The following PRKCH variants were observed in gnomAD, a reference collection of about 807,000 sequenced individuals.
PRKCH encodes protein kinase C eta.
In PRKCH, 28 loss-of-function variants were observed where a neutral mutation model predicts 82.5. The ratio of observed to expected loss-of-function variants is 0.34; its 90% CI spans 0.25 to 0.47. The LOEUF (loss-of-function observed/expected upper bound fraction) is 0.47. Ranked by LOEUF, PRKCH falls within the 20% of genes least tolerant of loss-of-function variation. PRKCH has a pLI of 1.00. For synonymous variants in PRKCH, 322 were observed against 327.4 expected, an observed-to-expected ratio of 0.98 and a Z score of 0.18; for missense variants, 705 against 881.8, an observed-to-expected ratio of 0.80 and a Z score of 2.54.
intron 1 of PRKCH, among the ~76,000 whole-genome samples, chr14:61,211,291 G>C (rs1211829389): frequency 6.6e-6 from 1 of 152,230 alleles, no homozygotes; most frequent in Non-Finnish European, 1.5e-5. Context: ...CAGTGCCGCA[G>C]TGCATGGCAC....
intron 1 of PRKCH, among the ~76,000 whole-genome samples, chr14:61,325,018 G>T (rs568400062): frequency 6.6e-6 from 1 of 152,278 alleles, no homozygotes; most frequent in African/African-American, 2.4e-5. Context: ...TGGATGAGAG[G>T]ATTCAATATG....
intron 10 of PRKCH, among the ~76,000 whole-genome samples, chr14:61,522,456 G>A (rs72712372): frequency 0.08 from 12,121 of 152,046 alleles, 593 homozygotes; most frequent in Non-Finnish European, 0.11. Flanking sequence ...CTCTTCTCTC[G>A]CCACCCAGGA....
At chr14:61,531,670 T>C (rs1166791680) in intron 12 of PRKCH, among the ~76,000 whole-genome samples, 1 of 152,166 alleles carries the variant, frequency 6.6e-6, no homozygotes, top group African/African-American at 2.4e-5. Context: ...CCAAAGTGAA[T>C]CATAACACAT....
At chr14:61,504,329 C>T (rs1594769389) in intron 10 of PRKCH, among the ~76,000 whole-genome samples, 1 of 152,232 alleles carries the variant, frequency 6.6e-6, no homozygotes, top group East Asian at 1.9e-4. Context: ...GCTGGGATTA[C>T]AGGTGCTCAC....
At chr14:61,352,673 A>G (rs915713327) in intron 1 of PRKCH, among the ~76,000 whole-genome samples, 2 of 134,906 alleles carry the variant, frequency 1.5e-5, no homozygotes, top group Admixed American at 7.6e-5. Flanking sequence ...AGAGAGAGAG[A>G]GAGAGAGAAA....
chr14:61,511,150 A>G (rs544837255), intron 10 of PRKCH, among the ~76,000 whole-genome samples: 15 of 152,294 alleles, frequency 9.8e-5, no homozygotes, highest in Middle Eastern at 3.4e-3. Flanking sequence ...TGCTCATATT[A>G]TCCATCAGTT....
chr14:61,385,377 T>A (rs1335950399), intron 1 of PRKCH, among the ~76,000 whole-genome samples: 5 of 150,094 alleles, frequency 3.3e-5, no homozygotes, highest in African/African-American at 1.2e-4. Flanking sequence ...AAAAAAAAAA[T>A]GAAGCACTTA....
chr14:61,519,239 G>A (rs910676895), intron 10 of PRKCH, among the ~76,000 whole-genome samples: 7 of 151,984 alleles, frequency 4.6e-5, no homozygotes, highest in African/African-American at 1.4e-4. Context: ...CTATGATCAC[G>A]CTGCTGCACT....
intron 1 of PRKCH, among the ~76,000 whole-genome samples, chr14:61,218,523 C>T (rs1173875451): frequency 1.3e-5 from 2 of 152,278 alleles, no homozygotes; most frequent in Non-Finnish European, 1.5e-5. Context: ...GTACATTCCA[C>T]ACTGGCCAGG....
intron 5 of PRKCH, 74 bp downstream of exon 5, chr14:61,449,326 C>T (rs1884377419): frequency 1.6e-6 from 2 of 1,275,916 alleles, no homozygotes; most frequent in Admixed American, 3.6e-5. Flanking sequence ...CTCTCTCCCT[C>T]CCTCCCTCCT....
intron 2 of PRKCH, among the ~76,000 whole-genome samples, chr14:61,441,713 A>G (rs1279219612): frequency 6.9e-6 from 1 of 143,886 alleles, no homozygotes; most frequent in Non-Finnish European, 1.5e-5. Flanking sequence ...CTTTCTTTCA[A>G]TTTTCTGCTT....
chr14:61,291,362 G>A (rs1004561099), intron 1 of PRKCH, among the ~76,000 whole-genome samples: 7 of 113,926 alleles, frequency 6.1e-5, no homozygotes, highest in African/African-American at 1.3e-4. Context: ...ACGGAGTCTC[G>A]CCCTGTCACC....
chr14:61,356,069 A>G (rs2046144307), intron 1 of PRKCH, among the ~76,000 whole-genome samples: 1 of 152,206 alleles, frequency 6.6e-6, no homozygotes, highest in South Asian at 2.1e-4. Flanking sequence ...AAGAGCAGGA[A>G]CTGCCTGTCA....
intron 9 of PRKCH, among the ~76,000 whole-genome samples, chr14:61,462,814 TAAA>T (rs1205440816): frequency 6.6e-6 from 1 of 152,188 alleles, no homozygotes; most frequent in African/African-American, 2.4e-5. Context: ...AGGGCCTTTG[TAAA>T]AACAGCACTC....
At chr14:61,512,511 C>T (rs551015815) in intron 10 of PRKCH, among the ~76,000 whole-genome samples, 4 of 152,148 alleles carry the variant, frequency 2.6e-5, no homozygotes, top group Admixed American at 1.3e-4. Context: ...TTGATTTGGA[C>T]TTAAAGGATT....
Position 61,391,275 on chromosome 14 carries a change from G to A in PRKCH, c.414G>A (p.Gly138=), listed in dbSNP as rs773135141. ...TATTTGTGGTAATAACCCTTACCGGGAGTTTCACTGAAGGTAAGAATGAGT... is the reference window on the plus strand; with the variant it reads ...TATTTGTGGTAATAACCCTTACCGGAAGTTTCACTGAAGGTAAGAATGAGT... ...GKVFVVITLT[G]SFTEATLQRD... Residue 138 remains glycine (G), a synonymous_variant, in exon 2 of 14, where the codon GGG becomes GGA. Transcript: ENST00000332981. The A allele has an allele frequency of 6.2e-7, 1 of 1,609,944 alleles. No homozygotes were observed. Among genetic ancestry groups the A allele is most frequent in the Admixed American group, 1.7e-5 (1 of 59,456 alleles).
chr14:61,444,566 C>T (rs1045745871), intron 3 of PRKCH, among the ~76,000 whole-genome samples: 1 of 151,918 alleles, frequency 6.6e-6, no homozygotes, highest in Non-Finnish European at 1.5e-5. Context: ...ATTAACTGTA[C>T]CCAACCAGCC....
intron 10 of PRKCH, among the ~76,000 whole-genome samples, chr14:61,509,287 A>C (rs917152486): frequency 1.3e-5 from 2 of 152,150 alleles, no homozygotes; most frequent in Non-Finnish European, 2.9e-5. Context: ...CAACACACTC[A>C]TTAGCCCTTT....
chr14:61,385,474 G>A (rs2046573963), intron 1 of PRKCH, among the ~76,000 whole-genome samples: 1 of 151,454 alleles, frequency 6.6e-6, no homozygotes, highest in African/African-American at 2.5e-5. Flanking sequence ...AAGATGCAGA[G>A]GTTTTAGTTC....
Sources: gnomAD v4.1 joint callset for allele counts (sites outside exome capture counted in the v4.1 genomes callset) on GRCh38, gnomAD v4.1.1 for gene constraint, MANE v1.5 for transcripts, NCBI Gene and HGNC (gene_info 2026-07-23, HGNC 2026-07-21) for gene names.